Variants in ADAMTSL1 observed in about 807,000 individuals in gnomAD.
The protein encoded by ADAMTSL1 is ADAMTS like 1, also known as ADAMTS-like protein 1.
Under a neutral mutation model 201.8 loss-of-function variants are expected in ADAMTSL1, and 126 were observed. That is an observed-to-expected ratio of 0.62 (90% CI 0.54 to 0.72). ADAMTSL1 has a LOEUF of 0.72. Ranked by LOEUF, ADAMTSL1 falls within the 30% of genes least tolerant of loss-of-function variation. ADAMTSL1 has a pLI of 0.00. For synonymous variants in ADAMTSL1, 1,121 were observed against 903.4 expected, an observed-to-expected ratio of 1.24 and a Z score of -4.32; for missense variants, 2,679 against 2,277.8, an observed-to-expected ratio of 1.18 and a Z score of -3.59.
chr9:18,715,838 A>T (rs1832893777), intron 14 of ADAMTSL1, among the ~76,000 whole-genome samples: 1 of 152,006 alleles, frequency 6.6e-6, no homozygotes, highest in African/African-American at 2.4e-5. Context: ...TTCAAGCCAT[A>T]CTACAAGGCT....
chr9:18,615,155 A>G (rs1380030933), intron 4 of ADAMTSL1, among the ~76,000 whole-genome samples: 1 of 152,228 alleles, frequency 6.6e-6, no homozygotes, highest in Non-Finnish European at 1.5e-5. Flanking sequence ...CACTGTTACC[A>G]CCTTTGCGAA....
chr9:18,479,863 A>G (rs528649113), intron 1 of ADAMTSL1, among the ~76,000 whole-genome samples: 7 of 152,372 alleles, frequency 4.6e-5, no homozygotes, highest in African/African-American at 1.7e-4. Context: ...CATTCATTTT[A>G]CATGTGAAGC....
At chr9:18,093,098 G>A (rs1452800962) in intron 1 of ADAMTSL1, among the ~76,000 whole-genome samples, 1 of 152,096 alleles carries the variant, frequency 6.6e-6, no homozygotes, top group Non-Finnish European at 1.5e-5. Context: ...ATTCATAGTG[G>A]AACTGCATAG....
chr9:18,357,767 TG>T (rs1284760123), intron 2 of ADAMTSL1, among the ~76,000 whole-genome samples: 2 of 152,098 alleles, frequency 1.3e-5, no homozygotes, highest in African/African-American at 4.8e-5. Context: ...AACCTAGAAT[TG>T]GAAAACATGA....
At chr9:18,275,970 A>C (rs1832572143) in intron 2 of ADAMTSL1, among the ~76,000 whole-genome samples, 1 of 152,004 alleles carries the variant, frequency 6.6e-6, no homozygotes, top group African/African-American at 2.4e-5. Context: ...GCCATCTTGC[A>C]TTTCCACCAG....
At chr9:18,586,930 T>C (rs931586631) in intron 4 of ADAMTSL1, among the ~76,000 whole-genome samples, 2 of 151,954 alleles carry the variant, frequency 1.3e-5, no homozygotes, top group African/African-American at 4.8e-5. Flanking sequence ...CCTTATATCA[T>C]AGACAAAAAT....
At chr9:18,823,408 A>G (rs572766880) in intron 21 of ADAMTSL1, among the ~76,000 whole-genome samples, 2 of 152,234 alleles carry the variant, frequency 1.3e-5, no homozygotes, top group South Asian at 4.2e-4. Flanking sequence ...CCTCTCAAAC[A>G]AGCACAATTT....
At chr9:18,491,778 G>A (rs781394454) in intron 1 of ADAMTSL1, among the ~76,000 whole-genome samples, 12 of 152,158 alleles carry the variant, frequency 7.9e-5, no homozygotes, top group Non-Finnish European at 1.3e-4. Context: ...AGGAAGAGAT[G>A]ACTGCTATAT....
At chr9:18,232,143 C>T (rs542062134) in intron 2 of ADAMTSL1, among the ~76,000 whole-genome samples, 1 of 152,128 alleles carries the variant, frequency 6.6e-6, no homozygotes, top group Admixed American at 6.6e-5. Context: ...TACGCACTGA[C>T]CTTGATTTTC....
chr9:18,208,606 G>A (rs1260985835), intron 2 of ADAMTSL1, among the ~76,000 whole-genome samples: 2 of 152,162 alleles, frequency 1.3e-5, no homozygotes, highest in Non-Finnish European at 2.9e-5. Context: ...AATGCTATCA[G>A]TTAGGGGATA....
chr9:18,859,276 AC>A (rs1827061961), intron 23 of ADAMTSL1, among the ~76,000 whole-genome samples: 1 of 152,182 alleles, frequency 6.6e-6, no homozygotes, highest in African/African-American at 2.4e-5. Flanking sequence ...CCTCAAAGCC[AC>A]CTGCATCCCT....
intron 2 of ADAMTSL1, among the ~76,000 whole-genome samples, chr9:18,345,458 AATG>A (rs1370245715): frequency 6.6e-6 from 1 of 152,170 alleles, no homozygotes; most frequent in African/African-American, 2.4e-5. Context: ...ACTCTTCGAG[AATG>A]ATGTTAACAT....
intron 14 of ADAMTSL1, among the ~76,000 whole-genome samples, chr9:18,711,394 G>A (rs1006159297): frequency 2.0e-5 from 3 of 152,236 alleles, no homozygotes; most frequent in Admixed American, 6.5e-5. Flanking sequence ...TGAGCACACC[G>A]TGCGCGAGCC....
rs552078924 is a variant in ADAMTSL1 at position 17,984,153 on chromosome 9, G to T, written c.87+77231G>T. On this transcript the variant is annotated intron_variant, in intron 1 of 29. Transcript: ENST00000680146. ...TACCAAAAACTTACTTTAGCAATTA[G>T]CAGATTCTTGTGATTTTTCTTTCTT... 3.3e-5 allele frequency among the ~76,000 whole-genome samples: 5 copies of T among 152,166 alleles called. No homozygotes were observed. In the South Asian group the frequency reaches 1.0e-3, roughly 32 times the overall value.
intron 20 of ADAMTSL1, 31 bp downstream of exon 20, chr9:18,795,555 C>A (rs367702665): frequency 3.7e-5 from 58 of 1,576,644 alleles, no homozygotes; most frequent in Non-Finnish European, 4.6e-5. Flanking sequence ...CTGTTCATTT[C>A]ATAAACCTTT....
chr9:18,577,986 CTTTTTT>C (rs71304880), intron 4 of ADAMTSL1, among the ~76,000 whole-genome samples: 1 of 142,354 alleles, frequency 7.0e-6, no homozygotes, highest in South Asian at 2.2e-4. Context: ...TTACTTTTCT[CTTTTTT>C]TTTTTTTTTT....
intron 1 of ADAMTSL1, among the ~76,000 whole-genome samples, chr9:17,935,578 C>T (rs1007642017): frequency 6.6e-6 from 1 of 152,136 alleles, no homozygotes; most frequent in Non-Finnish European, 1.5e-5. Context: ...ACATGCTTCT[C>T]CCAAAGCCAT....
chr9:18,012,410 C>T (rs918848210), intron 1 of ADAMTSL1, among the ~76,000 whole-genome samples: 2 of 152,046 alleles, frequency 1.3e-5, no homozygotes, highest in African/African-American at 4.8e-5. Flanking sequence ...GCCCTTGAGT[C>T]ACTGAAATCT....
chr9:18,725,298 G>T (rs540097012), intron 15 of ADAMTSL1, among the ~76,000 whole-genome samples: 2 of 152,360 alleles, frequency 1.3e-5, no homozygotes, highest in African/African-American at 4.8e-5. Flanking sequence ...GAGAGGGACA[G>T]ATGGAGGTTA....
Sources: allele counts gnomAD v4.1 joint callset (sites outside exome capture counted in the v4.1 genomes callset), GRCh38; gene constraint gnomAD v4.1.1; transcripts MANE v1.5; gene names NCBI Gene and HGNC (gene_info 2026-07-23, HGNC 2026-07-21).